TMEM196: variants seen among roughly 807,000 people sequenced by gnomAD.
TMEM196 encodes the protein transmembrane protein 196.
Under a neutral mutation model 20.0 loss-of-function variants are expected in TMEM196, and 17 were observed. That is an observed-to-expected ratio of 0.85 (90% confidence interval 0.58 to 1.27). The LOEUF (loss-of-function observed/expected upper bound fraction) is 1.27, where lower values mean the gene tolerates loss of function less well. Ranked by LOEUF, TMEM196 falls within the 50% of genes most tolerant of loss-of-function variation. TMEM196 has a pLI of 0.00. For synonymous variants in TMEM196, 113 were observed against 88.9 expected, an observed-to-expected ratio of 1.27 and a Z score of -1.52; for missense variants, 267 against 223.0, an observed-to-expected ratio of 1.20 and a Z score of -1.26.
intron 1 of TMEM196, among the ~76,000 whole-genome samples, chr7:19,765,835 C>A (rs1456373156): frequency 1.3e-5 from 2 of 152,176 alleles, no homozygotes; most frequent in South Asian, 2.1e-4. Context: ...CTAATTAAAT[C>A]AAAACCTAAC....
At chr7:19,756,750 C>G (rs998202714) in intron 1 of TMEM196, among the ~76,000 whole-genome samples, 5 of 152,244 alleles carry the variant, frequency 3.3e-5, no homozygotes, top group Non-Finnish European at 7.4e-5. Context: ...GCCTCTAGCT[C>G]CATCCATGTC....
chr7:19,772,097 A>G (rs548768645), intron 1 of TMEM196, among the ~76,000 whole-genome samples: 1 of 152,230 alleles, frequency 6.6e-6, no homozygotes, highest in Admixed American at 6.5e-5. Flanking sequence ...GGATAAATGC[A>G]TAACTATCCC....
At chr7:19,769,522 GA>G (rs1438095845) in intron 1 of TMEM196, among the ~76,000 whole-genome samples, 1 of 151,980 alleles carries the variant, frequency 6.6e-6, no homozygotes, top group Non-Finnish European at 1.5e-5. Flanking sequence ...TATGCTGACT[GA>G]AAGACTCTCT....
At chr7:19,757,960 A>C (rs1785282658) in intron 1 of TMEM196, among the ~76,000 whole-genome samples, 1 of 141,938 alleles carries the variant, frequency 7.0e-6, no homozygotes. Context: ...ATTTTTATAT[A>C]TATACTTTTT....
At chr7:19,733,856 G>C (rs917570389) in intron 1 of TMEM196, among the ~76,000 whole-genome samples, 1 of 152,174 alleles carries the variant, frequency 6.6e-6, no homozygotes, top group African/African-American at 2.4e-5. Flanking sequence ...CCACACCTGA[G>C]ATCAGGCGCA....
intron 1 of TMEM196, among the ~76,000 whole-genome samples, chr7:19,768,698 C>A (rs1785733853): frequency 6.6e-6 from 1 of 152,086 alleles, no homozygotes; most frequent in Admixed American, 6.6e-5. Context: ...AACAAAGAAT[C>A]AAGAAGAAAC....
intron 1 of TMEM196, among the ~76,000 whole-genome samples, chr7:19,771,701 A>T (rs545133777): frequency 6.6e-6 from 1 of 152,322 alleles, no homozygotes; most frequent in South Asian, 2.1e-4. Context: ...AATGGTGCTG[A>T]GTTATTTTAT....
chr7:19,742,492 G>C (rs2128024297), intron 1 of TMEM196, among the ~76,000 whole-genome samples: 1 of 152,136 alleles, frequency 6.6e-6, no homozygotes, highest in Non-Finnish European at 1.5e-5. Context: ...GAAATCCTTT[G>C]TAAGATATCA....
intron 4 of TMEM196, among the ~76,000 whole-genome samples, chr7:19,723,356 C>T (rs903272579): frequency 2.6e-5 from 4 of 151,768 alleles, no homozygotes; most frequent in Non-Finnish European, 4.4e-5. Flanking sequence ...TACATAAACC[C>T]GTTAGGTGCC....
intron 4 of TMEM196, 88 bp downstream of exon 4, chr7:19,724,192 C>G (rs1204369716): frequency 8.5e-7 from 1 of 1,175,206 alleles, no homozygotes; most frequent in Admixed American, 2.0e-5. Context: ...TCAGTTCAGA[C>G]TGATCTGTTG....
At position 19,736,353 on chromosome 7, in the gene TMEM196, CTATATATATATATATATATATATATA is replaced by C. The variant is rs71017071; in HGVS notation, c.148-6941_148-6916del. Reference sequence around the variant, plus strand: ...GATCCCACTTTTCTAGTGGTTCCTACTATATATATATATATATATATATATATATATATATATATATATATATAAAT... The same window carrying C: ...GATCCCACTTTTCTAGTGGTTCCTACTATATATATATATATATATATAAAT... On this transcript the variant is annotated intron_variant, in intron 1 of 4. Transcript: ENST00000405844. Among the ~76,000 whole-genome samples the C allele has an allele frequency of 1.4e-3, 54 of 38,006 alleles. 1 individual carries two copies. Among genetic ancestry groups the C allele is most frequent in the East Asian group, 4.5e-3 (1 of 222 alleles). 24.9% of individuals were successfully genotyped at this position (38,006 alleles called of 152,430 possible).
Position 19,721,467 on chromosome 7 carries a change from C to G in TMEM196, c.*661G>C, listed in dbSNP as rs1396316762. 6.6e-6 allele frequency: 1 copy of G among 152,018 alleles called. No homozygotes were observed. The highest frequency in any genetic ancestry group is 6.6e-5 in the Admixed American group (1 of 15,242). 9.4% of individuals were successfully genotyped at this position (152,018 alleles called of 1,614,324 possible). ...TGATATTCACATATAACTTTTCACTCTTTGTGCAAAAATGCAAAAATACCA... is the reference window on the plus strand; with the variant it reads ...TGATATTCACATATAACTTTTCACTGTTTGTGCAAAAATGCAAAAATACCA... On this transcript the variant is annotated 3_prime_UTR_variant, in exon 5 of 5. Transcript: ENST00000405844.
intron 2 of TMEM196, 99 bp from the exon 3 acceptor site, chr7:19,725,867 A>G: frequency 7.3e-7 from 1 of 1,368,032 alleles, no homozygotes; most frequent in Non-Finnish European, 9.7e-7. Flanking sequence ...ACTAGCCTAC[A>G]ATAAAGAAGA....
intron 1 of TMEM196, among the ~76,000 whole-genome samples, chr7:19,765,616 T>C (rs1785596399): frequency 6.6e-6 from 1 of 152,196 alleles, no homozygotes; most frequent in African/African-American, 2.4e-5. Context: ...ATATTCACAC[T>C]ATTCGATTTG....
intron 3 of TMEM196, among the ~76,000 whole-genome samples, chr7:19,725,306 T>C (rs910240805): frequency 1.8e-4 from 27 of 152,192 alleles, no homozygotes; most frequent in African/African-American, 6.5e-4. Flanking sequence ...TGTTTTTGAA[T>C]AGACAGACTA....
At chr7:19,760,116 C>G (rs1304860150) in intron 1 of TMEM196, among the ~76,000 whole-genome samples, 3 of 152,104 alleles carry the variant, frequency 2.0e-5, no homozygotes, top group Non-Finnish European at 2.9e-5. Context: ...CCTCCTCCCC[C>G]TCAGGTCATA....
chr7:19,757,682 CTT>C (rs997147437), intron 1 of TMEM196, among the ~76,000 whole-genome samples: 2 of 151,538 alleles, frequency 1.3e-5, no homozygotes, highest in Admixed American at 1.3e-4. Flanking sequence ...AAAGTTACTC[CTT>C]TTTTTTACTC....
chr7:19,729,517 G>A, intron 1 of TMEM196, 79 bp from the exon 2 acceptor site: 1 of 1,289,684 alleles, frequency 7.8e-7, no homozygotes, highest in Non-Finnish European at 1.1e-6. Flanking sequence ...GTTCACTCAT[G>A]ACACTTTCTC....
At chr7:19,764,402 T>A (rs1281007646) in intron 1 of TMEM196, among the ~76,000 whole-genome samples, 2 of 152,202 alleles carry the variant, frequency 1.3e-5, no homozygotes, top group Non-Finnish European at 2.9e-5. Context: ...TTGAGGCAGA[T>A]CTTCATTTTG....
Sources: allele counts gnomAD v4.1 joint callset (sites outside exome capture counted in the v4.1 genomes callset), GRCh38; gene constraint gnomAD v4.1.1; transcripts MANE v1.5; gene names NCBI Gene and HGNC (gene_info 2026-07-23, HGNC 2026-07-21).